PXYLP1: variants seen among roughly 807,000 people sequenced by gnomAD.
PXYLP1 encodes 2-phosphoxylose phosphatase 1.
PXYLP1 carries 17 observed loss-of-function variants against 37.9 expected under a neutral mutation model. The observed-to-expected ratio is 0.45, with a 90% CI of 0.31 to 0.67. PXYLP1 has a LOEUF of 0.67. Among genes scored for constraint, PXYLP1 ranks in the 30% least tolerant of loss-of-function variants. The pLI, the probability that PXYLP1 is intolerant of heterozygous loss-of-function variation, is 0.07. For synonymous variants in PXYLP1, 221 were observed against 232.2 expected (o/e 0.95, Z 0.44); for missense variants, 511 against 612.0 (o/e 0.84, Z 1.74).
rs1940521557 is a variant in PXYLP1, at chr3:141,231,910, CG to C, written c.-54+1del. On this transcript the variant is annotated splice_region_variant and 5_prime_UTR_variant, in exon 1 of 6. An upstream open reading frame in the 5' UTR gains an earlier in-frame stop. Transcript: ENST00000286353. The surrounding 1 kb of genome is among the most constrained non-coding windows in gnomAD (Gnocchi z 4.4). Reference sequence around the variant, plus strand: ...GCTGGGGCCGGCCTGGGACCATGGGCGGTGAGTGCGGCGCGGGCCTGGGCCG... The same window carrying C: ...GCTGGGGCCGGCCTGGGACCATGGGCGTGAGTGCGGCGCGGGCCTGGGCCG... The C allele has an allele frequency of 6.6e-6, 1 of 152,084 alleles. No homozygotes were observed. Among genetic ancestry groups the C allele is most frequent in the Non-Finnish European group, 1.5e-5 (1 of 68,200 alleles). The allele number at this position is 152,084 out of a possible 1,614,324, so 9.4% of individuals were successfully genotyped here.
chr3:141,276,253 C>T (rs1291838885), intron 2 of PXYLP1, among the ~76,000 whole-genome samples: 3 of 152,190 alleles, frequency 2.0e-5, no homozygotes, highest in East Asian at 3.8e-4. Flanking sequence ...TATGTGTGTG[C>T]GAATATACAA....
intron 1 of PXYLP1, among the ~76,000 whole-genome samples, chr3:141,242,105 G>A: frequency 6.6e-6 from 1 of 152,166 alleles, no homozygotes; most frequent in East Asian, 1.9e-4. Context: ...TCTAAAGTTG[G>A]CTTATAGTTT....
At chr3:141,248,616 TATAC>T (rs1559881527) in intron 1 of PXYLP1, among the ~76,000 whole-genome samples, 5,044 of 131,618 alleles carry the variant, frequency 0.038, 1,276 homozygotes, top group Middle Eastern at 0.067. Context: ...CACACGTATA[TATAC>T]ACACACGTAT....
intron 5 of PXYLP1, among the ~76,000 whole-genome samples, chr3:141,289,119 G>A (rs1942141959): frequency 6.6e-6 from 1 of 152,154 alleles, no homozygotes; most frequent in Non-Finnish European, 1.5e-5. Flanking sequence ...GATGATTGAT[G>A]GATGCTGTAT....
chr3:141,260,105 C>G lies in PXYLP1; in HGVS notation c.-53-18C>G. ...TCCACCTCTAAACACTCATTTATCA[C>G]CTCTGCTTTATTCACAGGACATGTT... On this transcript the variant is annotated intron_variant, in intron 1 of 5. Transcript: ENST00000286353. 1 of 1,578,774 alleles carries G rather than the reference C, an allele frequency of 6.3e-7. No homozygotes were observed. The highest frequency in any genetic ancestry group is 8.7e-7 in the Non-Finnish European group (1 of 1,151,216).
rs1941890810 is a variant in PXYLP1 at position 141,279,406 on chromosome 3, C to A, written c.267C>A (p.Val89=). 1 of 1,614,222 alleles carries A rather than the reference C, an allele frequency of 6.2e-7. No individual in the cohort carries two copies. Residue 89 remains valine, a synonymous_variant, in exon 4 of 6, where the codon GTC becomes GTA. Coordinates refer to ENST00000286353, the MANE Select transcript of PXYLP1 (RefSeq NM_001037172.3). ...ATGCCCCGCATCATTTTAAGCTGGT[C>A]TCAGTGCATGTGTTCATTCGCCACG... is the stretch of plus-strand genomic sequence containing the variant. ...EGHAPHHFKL[V]SVHVFIRHGD...
intron 2 of PXYLP1, chr3:141,262,580 AG>A: frequency 7.1e-7 from 1 of 1,400,956 alleles, no homozygotes. Context: ...CTTCTGTTTT[AG>A]GAAAGCCAAT....
Position 141,292,668 on chromosome 3 carries a change from C to T in PXYLP1, c.906C>T (p.Phe302=), listed in dbSNP as rs767304896. The change falls in exon 6 of 6, where the codon TTC becomes TTT. Residue 302 remains phenylalanine (F), a synonymous_variant. Coordinates refer to ENST00000286353, the MANE Select transcript of PXYLP1 (RefSeq NM_001037172.3). This position sits in a 1 kb window ranked among gnomAD's most constrained non-coding sequence, Gnocchi z 4.3. ...ANPIDSMLCH[F]CHNVSFPCTR... ...CCATAGACTCCATGCTCTGCCACTT[C>T]TGCCACAATGTCAGCTTTCCCTGTA... 6.8e-6 allele frequency: 11 copies of T among 1,613,418 alleles called. No homozygotes were observed. In the South Asian group the frequency reaches 1.2e-4, roughly 18 times the overall value.
intron 4 of PXYLP1, among the ~76,000 whole-genome samples, chr3:141,285,524 CAAA>C (rs371946030): frequency 2.0e-5 from 3 of 149,868 alleles, no homozygotes; most frequent in African/African-American, 4.9e-5. Flanking sequence ...ACAACAACAA[CAAA>C]AAAAAACAAA....
chr3:141,263,218 G>A (rs189404332), intron 2 of PXYLP1, among the ~76,000 whole-genome samples: 1 of 152,316 alleles, frequency 6.6e-6, no homozygotes, highest in Admixed American at 6.5e-5. Flanking sequence ...GCTTATGTGT[G>A]TTTGACGTTT....
chr3:141,242,754 G>A (rs1418845400), intron 1 of PXYLP1, among the ~76,000 whole-genome samples: 2 of 152,162 alleles, frequency 1.3e-5, no homozygotes, highest in Non-Finnish European at 2.9e-5. Context: ...AAATAATAAT[G>A]AGAACGAAAT....
At chr3:141,235,643 T>C (rs1441575534) in intron 1 of PXYLP1, 3 of 152,288 alleles carry the variant, frequency 2.0e-5, no homozygotes, top group Non-Finnish European at 2.9e-5. Context: ...AGTAGGATGG[T>C]GGGCCTTTTG....
chr3:141,252,225 G>A (rs1205004249), intron 1 of PXYLP1, among the ~76,000 whole-genome samples: 2 of 152,162 alleles, frequency 1.3e-5, no homozygotes, highest in African/African-American at 4.8e-5. Flanking sequence ...TGAGTTTGGT[G>A]CTGCCCTTTA....
At chr3:141,285,957 A>AT (rs57105184) in intron 4 of PXYLP1, among the ~76,000 whole-genome samples, 5,382 of 150,126 alleles carry the variant, frequency 0.036, 157 homozygotes, top group South Asian at 0.1. Context: ...TAAAAGATGG[A>AT]TTTTTTTTTT....
intron 1 of PXYLP1, among the ~76,000 whole-genome samples, chr3:141,255,736 G>A (rs1377121437): frequency 6.6e-6 from 1 of 152,216 alleles, no homozygotes; most frequent in African/African-American, 2.4e-5. Flanking sequence ...AGGGAACCAA[G>A]GACTGTGTGA....
chr3:141,243,356 C>T (rs16851191), intron 1 of PXYLP1, among the ~76,000 whole-genome samples: 29,073 of 152,162 alleles, frequency 0.19, 3,496 homozygotes, highest in African/African-American at 0.34. Flanking sequence ...ATACCACCTT[C>T]ATCCAGTCAG....
chr3:141,277,835 C>T (rs1166105567), intron 2 of PXYLP1, among the ~76,000 whole-genome samples: 1 of 152,144 alleles, frequency 6.6e-6, no homozygotes, highest in African/African-American at 2.4e-5. Context: ...CCACACATGC[C>T]TTGGTCCTTG....
intron 1 of PXYLP1, among the ~76,000 whole-genome samples, chr3:141,233,681 G>A (rs1940589885): frequency 1.3e-5 from 2 of 152,148 alleles, no homozygotes; most frequent in Admixed American, 1.3e-4. Flanking sequence ...TGATGCCTTG[G>A]GAGGCTGCGT....
chr3:141,262,676 G>T, intron 2 of PXYLP1: 1 of 1,533,286 alleles, frequency 6.5e-7, no homozygotes, highest in Non-Finnish European at 8.7e-7. Flanking sequence ...ATACGTTGGA[G>T]ATCGGAAAGA....
Sources: gnomAD v4.1 joint callset for allele counts (sites outside exome capture counted in the v4.1 genomes callset) on GRCh38, gnomAD v4.1.1 for gene constraint, Gnocchi (gnomAD v3.1) non-coding constraint, MANE v1.5 for transcripts, NCBI Gene and HGNC (gene_info 2026-07-23, HGNC 2026-07-21) for gene names.